Variants in GARIN2 observed in about 807,000 individuals in gnomAD.
GARIN2 encodes golgi associated RAB2 interactor family member 2.
chr14:67,199,416 C>T, the GARIN2 span: 7 of 1,613,606 alleles, frequency 4.3e-6, no homozygotes, highest in Non-Finnish European at 5.9e-6. Flanking sequence ...CTTTATGATA[C>T]TTTCAGCGCC....
chr14:67,198,043 G>C, the GARIN2 span: 1 of 1,239,638 alleles, frequency 8.1e-7, no homozygotes, highest in African/African-American at 1.5e-5. Context: ...CACAGATATT[G>C]ATAAAATTTG....
chr14:67,206,105 C>G, the GARIN2 span, among the ~76,000 whole-genome samples: 2 of 151,366 alleles, frequency 1.3e-5, no homozygotes, highest in African/African-American at 4.9e-5. Context: ...GATTACTTGA[C>G]CCTTGGAGGC....
At chr14:67,199,410 A>T in the GARIN2 span, 13 of 1,613,828 alleles carry the variant, frequency 8.1e-6, no homozygotes, top group Non-Finnish European at 1.0e-5. Flanking sequence ...AAGTTGCTTT[A>T]TGATACTTTC....
At chr14:67,204,102 A>C in the GARIN2 span, among the ~76,000 whole-genome samples, 1 of 152,134 alleles carries the variant, frequency 6.6e-6, no homozygotes, top group African/African-American at 2.4e-5. Context: ...TCTGGGAGGC[A>C]AGTCTGGTGT....
the GARIN2 span, chr14:67,227,331 T>G: frequency 6.6e-6 from 1 of 151,506 alleles, no homozygotes; most frequent in African/African-American, 2.4e-5. Flanking sequence ...TCCCAGCTAC[T>G]CAGGAGGCTG....
At chr14:67,204,928 G>GA in the GARIN2 span, 2 of 1,613,624 alleles carry the variant, frequency 1.2e-6, no homozygotes, top group Non-Finnish European at 1.7e-6. Flanking sequence ...AGATCTTCCA[G>GA]AAAATGAGGT....
the GARIN2 span, among the ~76,000 whole-genome samples, chr14:67,210,744 G>T: frequency 1.3e-5 from 2 of 151,980 alleles, no homozygotes; most frequent in Non-Finnish European, 2.9e-5. Flanking sequence ...AGGTCATGAT[G>T]GCTCAGACCT....
the GARIN2 span, among the ~76,000 whole-genome samples, chr14:67,213,078 G>A: frequency 6.7e-6 from 1 of 148,640 alleles, no homozygotes; most frequent in Non-Finnish European, 1.5e-5. Flanking sequence ...TGGGGATGGG[G>A]CATAGAATTC....
chr14:67,214,306 G>GTTTAA, the GARIN2 span, among the ~76,000 whole-genome samples: 1 of 152,212 alleles, frequency 6.6e-6, no homozygotes, highest in African/African-American at 2.4e-5. Flanking sequence ...TAGGTCTAAC[G>GTTTAA]TTTAAGTCTT....
At chr14:67,196,047 A>T in the GARIN2 span, among the ~76,000 whole-genome samples, 1 of 151,982 alleles carries the variant, frequency 6.6e-6, no homozygotes, top group African/African-American at 2.4e-5. Context: ...TGGCCTCCTA[A>T]ATAATGCTTT....
the GARIN2 span, among the ~76,000 whole-genome samples, chr14:67,194,666 T>G: frequency 2.6e-5 from 4 of 151,940 alleles, no homozygotes; most frequent in Non-Finnish European, 4.4e-5. Context: ...CCACCACACC[T>G]GGTTAATTGT....
the GARIN2 span, chr14:67,199,167 G>A: frequency 1.3e-6 from 2 of 1,599,876 alleles, no homozygotes; most frequent in East Asian, 2.2e-5. Flanking sequence ...GTTTCTCCAG[G>A]CTGGACCAGT....
chr14:67,195,795 G>A, the GARIN2 span, among the ~76,000 whole-genome samples: 4 of 151,758 alleles, frequency 2.6e-5, no homozygotes, highest in Admixed American at 6.6e-5. Flanking sequence ...CCAGGCTGGA[G>A]TGCAGTGGCA....
At chr14:67,215,405 T>TG in the GARIN2 span, among the ~76,000 whole-genome samples, 23,838 of 149,430 alleles carry the variant, frequency 0.16, 3,559 homozygotes, top group East Asian at 0.43. Flanking sequence ...ACTGATCTAT[T>TG]GTTTTTTTTT....
chr14:67,214,895 T>TGGATTCCTAGGTATTTTATTCCCTTTGA, the GARIN2 span, among the ~76,000 whole-genome samples: 1 of 152,138 alleles, frequency 6.6e-6, no homozygotes, highest in Non-Finnish European at 1.5e-5. Context: ...CCTTGTAAGT[T>TGGATTCCTAGGTATTTTATTCCCTTTGA]GGATTCCTAG....
the GARIN2 span, chr14:67,199,676 C>A: frequency 1.3e-6 from 2 of 1,580,008 alleles, no homozygotes; most frequent in Admixed American, 3.3e-5. Flanking sequence ...CCAGCCTGAC[C>A]GCCCTCATCA....
the GARIN2 span, among the ~76,000 whole-genome samples, chr14:67,221,361 A>C: frequency 1.3e-5 from 2 of 152,212 alleles, no homozygotes; most frequent in Non-Finnish European, 2.9e-5. Context: ...ATTTATCCCC[A>C]GGTCTCTTTG....
chr14:67,189,546 G>C, the GARIN2 span: 1 of 152,174 alleles, frequency 6.6e-6, no homozygotes, highest in Non-Finnish European at 1.5e-5. Flanking sequence ...GATCTCCAGA[G>C]ATCTATTTCA....
chr14:67,210,098 T>C, the GARIN2 span, among the ~76,000 whole-genome samples: 20 of 152,356 alleles, frequency 1.3e-4, no homozygotes, highest in Non-Finnish European at 1.3e-4. Context: ...AATGTTTGTA[T>C]TCCTTTACTT....
Sources: gnomAD v4.1 joint callset for allele counts (sites outside exome capture counted in the v4.1 genomes callset) on GRCh38, gnomAD v4.1.1 for gene constraint, MANE v1.5 for transcripts, NCBI Gene and HGNC (gene_info 2026-07-23, HGNC 2026-07-21) for gene names.